Variants in CD1E observed in about 807,000 individuals in gnomAD.
CD1E encodes CD1e molecule.
Under a neutral mutation model 40.1 loss-of-function variants are expected in CD1E, and 49 were observed. The observed-to-expected ratio is 1.22, with a 90% CI of 0.97 to 1.55. The LOEUF (loss-of-function observed/expected upper bound fraction) is 1.55. CD1E is among the 40% of genes most tolerant of loss of function. The pLI, the probability that CD1E is intolerant of heterozygous loss-of-function variation, is 0.00. For missense variants in CD1E, 492 were observed against 471.3 expected (o/e 1.04, Z -0.41); for synonymous variants, 189 against 178.3 (o/e 1.06, Z -0.48).
chr1:158,356,427 T>C (rs1653694188), intron 4 of CD1E, 71 bp from the exon 5 acceptor site: 1 of 1,264,382 alleles, frequency 7.9e-7, no homozygotes, highest in South Asian at 1.3e-5. Flanking sequence ...CCCACCCTTG[T>C]GAAATGGGAA....
rs1226448121 is a variant in CD1E, at chr1:158,355,894, T to C, written c.693T>C (p.His231=). 1.9e-6 allele frequency: 3 copies of C among 1,614,132 alleles called. No individual in the cohort carries two copies. Among genetic ancestry groups the C allele is most frequent in the South Asian group, 1.1e-5 (1 of 91,072 alleles). The change falls in exon 4 of 6, where the codon CAT becomes CAC. Residue 231 remains histidine (H), a synonymous_variant. Transcript: ENST00000368167. ...PGPGRLQLVC[H]VSGFYPKPVW... is the part of the protein sequence containing the mutation. ...CTGGCCGTCTGCAGCTTGTGTGCCA[T>C]GTCTCAGGATTCTACCCAAAGCCCG...
intron 1 of CD1E, 87 bp from the exon 2 acceptor site, chr1:158,354,290 T>C: frequency 7.8e-7 from 1 of 1,276,002 alleles, no homozygotes; most frequent in East Asian, 2.3e-5. Flanking sequence ...CCTAACTGTC[T>C]CTCATCTCTG....
intron 2 of CD1E, among the ~76,000 whole-genome samples, chr1:158,355,041 A>AC (rs1653447861): frequency 6.6e-6 from 1 of 151,594 alleles, no homozygotes; most frequent in Non-Finnish European, 1.5e-5. Context: ...AACCACTTTC[A>AC]CGTGAATTAT....
rs1653463595 is a variant in CD1E at position 158,355,163 on chromosome 1, C to T, written c.356-137C>T. The T allele has an allele frequency of 8.8e-6, 7 of 796,406 alleles. No individual in the cohort carries two copies. In the East Asian group the frequency reaches 9.8e-5, roughly 11 times the overall value. 49.3% of individuals were successfully genotyped at this position (796,406 alleles called of 1,614,324 possible). On this transcript the variant is annotated intron_variant, in intron 2 of 5. Coordinates refer to ENST00000368167, the MANE Select transcript of CD1E (RefSeq NM_030893.4). ...TTTTCTTCCCACAAATTTTCTTCCC[C>T]TTTGCCAGTAAACTCTAGTCTCCAT...
At position 158,356,814 on chromosome 1, in the gene CD1E, A is replaced by C. The variant is rs1295358846; in HGVS notation, c.1085A>C (p.His362Pro). ...ANTQDTKNSR[H>P]QFCLAQVSWI... Reference sequence around the variant, plus strand: ...ACTCAGGACACCAAGAATTCAAGACATCAGTTCTGCTTGGCACAAGTATCG... The same window carrying C: ...ACTCAGGACACCAAGAATTCAAGACCTCAGTTCTGCTTGGCACAAGTATCG... The change falls in exon 6 of 6, where the codon CAT becomes CCT. Residue 362 changes from histidine to proline, a missense_variant. His to Pro is a moderately conservative substitution (Grantham distance 77). Coordinates refer to ENST00000368167, the MANE Select transcript of CD1E (RefSeq NM_030893.4). 6.2e-7 allele frequency: 1 copy of C among 1,613,980 alleles called. No individual in the cohort carries two copies. The highest frequency in any genetic ancestry group is 8.5e-7 in the Non-Finnish European group (1 of 1,180,008).
rs371197823 is a variant in CD1E at position 158,354,377 on chromosome 1, C to T, written c.59C>T (p.Ala20Val). ...TACTTGTCATTTCCCTCTCTCTCAG[C>T]TCCCCAGGCTCTACAATCCTATCAT... ...GLCCPGENTAAPQALQSYHLA... is the reference protein window; with the variant it reads ...GLCCPGENTAVPQALQSYHLA... Residue 20 changes from alanine to valine, a missense_variant and splice_region_variant, in exon 2 of 6, where the codon GCT becomes GTT. Ala to Val is a moderately conservative substitution (Grantham distance 64). Transcript: ENST00000368167. 3 of 1,585,724 alleles carry T rather than the reference C, an allele frequency of 1.9e-6. No individual in the cohort carries two copies. Among genetic ancestry groups the T allele is most frequent in the African/African-American group, 2.7e-5 (2 of 73,850 alleles).
At position 158,354,676 on chromosome 1, in the gene CD1E, A is replaced by G; in HGVS notation, c.355+3A>G. 6.2e-7 allele frequency: 1 copy of G among 1,609,310 alleles called. No homozygotes were observed. Among genetic ancestry groups the G allele is most frequent in the Non-Finnish European group, 8.5e-7 (1 of 1,177,238 alleles). On this transcript the variant is annotated splice_donor_region_variant and intron_variant, in intron 2 of 5. Transcript: ENST00000368167. ...TGCTGGTCAATTTCAGCTTGAATGT[A>G]AGTTCGTTGCTCTAAGCTGATAATT...
In CD1E at chr1:158,355,545, G is replaced by A. The variant is rs780933386; in HGVS notation, c.601G>A (p.Gly201Arg). The A allele has an allele frequency of 6.2e-7, 1 of 1,614,042 alleles. No homozygotes were observed. Among genetic ancestry groups the A allele is most frequent in the East Asian group, 2.2e-5 (1 of 44,884 alleles). ...PRFLAGLMEAGESELKRKVKP... is the reference protein window; with the variant it reads ...PRFLAGLMEARESELKRKVKP... Reference sequence around the variant, plus strand: ...ATTTCTAGCGGGGCTCATGGAAGCAGGGGAGTCAGAACTGAAACGGAAAGG... The same window carrying A: ...ATTTCTAGCGGGGCTCATGGAAGCAAGGGAGTCAGAACTGAAACGGAAAGG... The change falls in exon 3 of 6, where the codon GGG becomes AGG. Residue 201 changes from glycine to arginine, a missense_variant. Coordinates refer to ENST00000368167, the MANE Select transcript of CD1E (RefSeq NM_030893.4).
In CD1E at chr1:158,356,988, T is replaced by C. The variant is rs1003490522; in HGVS notation, c.*92T>C. 13 of 1,066,358 alleles carry C rather than the reference T, an allele frequency of 1.2e-5. No individual in the cohort carries two copies. The Admixed American group carries it at 2.1e-4, about 17-fold the overall frequency. 66.1% of individuals were successfully genotyped at this position (1,066,358 alleles called of 1,614,324 possible). A position where few individuals can be genotyped will look rare whatever the true frequency, so the allele number is the denominator to read the frequency against. On this transcript the variant is annotated 3_prime_UTR_variant, in exon 6 of 6. Transcript: ENST00000368167. ...GGGAAGCATGCTTTTATTTAAACAG[T>C]TTATACTAGCAAAGATACTGACCCC...
At position 158,355,018 on chromosome 1, in the gene CD1E, C is replaced by G. The variant is rs145269235; in HGVS notation, c.356-282C>G. 4.6e-5 allele frequency among the ~76,000 whole-genome samples: 7 copies of G among 152,290 alleles called. No homozygotes were observed. The East Asian group carries it at 1.4e-3, about 29-fold the overall frequency. On this transcript the variant is annotated intron_variant, in intron 2 of 5. Transcript: ENST00000368167. The stretch of plus-strand genomic sequence containing the variant: ...TCCTTTGCCTGAGTGTTGACATGGA[C>G]TGGCCTGTACCTAACCACTTTCACG...
In CD1E at chr1:158,355,926, T is replaced by G; in HGVS notation, c.725T>G (p.Val242Gly). 1 of 1,613,860 alleles carries G rather than the reference T, an allele frequency of 6.2e-7. No individual in the cohort carries two copies. Among genetic ancestry groups the G allele is most frequent in the Non-Finnish European group, 8.5e-7 (1 of 1,180,012 alleles). ...VSGFYPKPVW[V>G]MWMRGEQEQR... Reference sequence around the variant, plus strand: ...GGATTCTACCCAAAGCCCGTGTGGGTGATGTGGATGCGGGGTGAGCAGGAG... The same window carrying G: ...GGATTCTACCCAAAGCCCGTGTGGGGGATGTGGATGCGGGGTGAGCAGGAG... The change falls in exon 4 of 6, where the codon GTG (valine) becomes GGG (glycine). Residue 242 changes from valine to glycine, a missense_variant. Val to Gly is a moderately radical substitution (Grantham distance 109). Coordinates refer to ENST00000368167, the MANE Select transcript of CD1E (RefSeq NM_030893.4).
intron 2 of CD1E, 130 bp from the exon 3 acceptor site, chr1:158,355,170 A>C: frequency 1.2e-6 from 1 of 837,496 alleles, no homozygotes; most frequent in Non-Finnish European, 1.9e-6. Context: ...CCCCTTTGCC[A>C]GTAAACTCTA....
At chr1:158,354,711 A>G in intron 2 of CD1E, 38 bp downstream of exon 2, 1 of 1,561,638 alleles carries the variant, frequency 6.4e-7, no homozygotes. Context: ...TTGCCTGGGA[A>G]CACCAACTAT....
At position 158,356,539 on chromosome 1, in the gene CD1E, A is replaced by G. The variant is rs1653711904; in HGVS notation, c.946A>G (p.Ile316Val). 1 of 1,613,810 alleles carries G rather than the reference A, an allele frequency of 6.2e-7. No individual in the cohort carries two copies. Among genetic ancestry groups the G allele is most frequent in the Non-Finnish European group, 8.5e-7 (1 of 1,179,836 alleles). ...IFLILICLTV[I>V]VTLVILVVVD... ...TCTCATCCTGATCTGTTTGACTGTG[A>G]TAGTTACCCTGGTCATATTGGTTGT... Residue 316 changes from isoleucine (I) to valine (V), a missense_variant, in exon 5 of 6, where the codon ATA (isoleucine) becomes GTA (valine). Ile to Val is a conservative substitution (Grantham distance 29, BLOSUM62 3). Coordinates refer to ENST00000368167, the MANE Select transcript of CD1E (RefSeq NM_030893.4).
chr1:158,355,682 T>C, intron 3 of CD1E, 113 bp downstream of exon 3: 7 of 1,429,050 alleles, frequency 4.9e-6, no homozygotes, highest in Non-Finnish European at 6.6e-6. Context: ...GAATGAGATG[T>C]GTGGGTTCAG....
Position 158,355,297 on chromosome 1 carries a change from C to G in CD1E, c.356-3C>G, listed in dbSNP as rs545632121. On this transcript the variant is annotated splice_polypyrimidine_tract_variant and splice_region_variant and intron_variant, in intron 2 of 5. Coordinates refer to ENST00000368167, the MANE Select transcript of CD1E (RefSeq NM_030893.4). ...ATGATCTCTCTTCCCTGTCCACTCT[C>G]AGACCCCTTCGAGATCCAGATATTA... The G allele has an allele frequency of 3.2e-5, 51 of 1,613,410 alleles. No homozygotes were observed. Among genetic ancestry groups the G allele is most frequent in the Non-Finnish European group, 4.2e-5 (50 of 1,179,490 alleles).
rs188229929 is a variant in CD1E, at chr1:158,356,704, T to G, written c.999-24T>G. ...CCCCTTTATTTCCTTTCTTTGAGATTAATATCCTCCTCTTTTCCCACAGTT... is the reference window on the plus strand; with the variant it reads ...CCCCTTTATTTCCTTTCTTTGAGATGAATATCCTCCTCTTTTCCCACAGTT... On this transcript the variant is annotated intron_variant, in intron 5 of 5. Transcript: ENST00000368167. 16 of 1,609,646 alleles carry G rather than the reference T, an allele frequency of 9.9e-6. 1 individual carries two copies. Among genetic ancestry groups the G allele is most frequent in the Middle Eastern group, 1.7e-4 (1 of 6,040 alleles).
In CD1E at chr1:158,354,521, A is replaced by T; in HGVS notation, c.203A>T (p.Asp68Val). Residue 68 changes from aspartate to valine, a missense_variant, in exon 2 of 6, where the codon GAC (aspartate) becomes GTC (valine). By Grantham distance (152) the Asp-to-Val change is radical. Coordinates refer to ENST00000368167, the MANE Select transcript of CD1E (RefSeq NM_030893.4). Reference sequence around the variant, plus strand: ...GGTGACCTGCAGACTCATGGCTGGGACACTGTCTTGGGCACCATCCGCTTT... The same window carrying T: ...GGTGACCTGCAGACTCATGGCTGGGTCACTGTCTTGGGCACCATCCGCTTT... ...WLGDLQTHGWDTVLGTIRFLK... is the reference protein window; with the variant it reads ...WLGDLQTHGWVTVLGTIRFLK... 6.2e-7 allele frequency: 1 copy of T among 1,614,102 alleles called. No homozygotes were observed. Among genetic ancestry groups the T allele is most frequent in the Non-Finnish European group, 8.5e-7 (1 of 1,180,026 alleles).
At chr1:158,355,088 A>G (rs563988226) in intron 2 of CD1E, among the ~76,000 whole-genome samples, 1 of 151,962 alleles carries the variant, frequency 6.6e-6, no homozygotes, top group Non-Finnish European at 1.5e-5. Context: ...TAGCCTTCCC[A>G]TCTACCACTT....
Sources: allele counts gnomAD v4.1 joint callset (sites outside exome capture counted in the v4.1 genomes callset), GRCh38; gene constraint gnomAD v4.1.1; transcripts MANE v1.5; gene names NCBI Gene and HGNC (gene_info 2026-07-23, HGNC 2026-07-21).